The following SLC22A25 variants were observed in gnomAD, a reference collection of about 807,000 sequenced individuals.
The protein encoded by SLC22A25 is solute carrier family 22 member 25, also known as MGI:2442751, MGI:2385316, MGI:3042283, MGI:3645714, MGI:3605624, MGI:2442750.
A neutral mutation model predicts 45.9 loss-of-function variants in SLC22A25; 44 were observed. The observed-to-expected ratio is 0.96, with a 90% CI of 0.75 to 1.23. The LOEUF (loss-of-function observed/expected upper bound fraction) is 1.23, where lower values mean the gene tolerates loss of function less well. Among genes scored for constraint, SLC22A25 ranks in the 50% most tolerant of loss-of-function variants. The pLI, the probability that SLC22A25 is intolerant of heterozygous loss-of-function variation, is 0.00. For synonymous variants in SLC22A25, 283 were observed against 238.6 expected, an observed-to-expected ratio of 1.19 and a Z score of -1.72; for missense variants, 800 against 666.4, an observed-to-expected ratio of 1.20 and a Z score of -2.21.
In SLC22A25 at chr11:63,164,992, G is replaced by A. The variant is rs115268741; in HGVS notation, c.1286-358C>T. Among the ~76,000 whole-genome samples, 1,093 of 152,110 alleles carry A rather than the reference G, an allele frequency of 7.2e-3. 9 individuals carry two copies. Among genetic ancestry groups the A allele is most frequent in the African/African-American group, 0.024 (1,003 of 41,474 alleles). Reference sequence around the variant, plus strand: ...CTTGCAGAAAACAGGAGTGTCATGTGGGCAATACTAGGGAGTGTAAGACTC... The same window carrying A: ...CTTGCAGAAAACAGGAGTGTCATGTAGGCAATACTAGGGAGTGTAAGACTC... On this transcript the variant is annotated intron_variant, in intron 10 of 11. Transcript: ENST00000306494.
At chr11:63,207,406 C>T (rs1030502525) in intron 7 of SLC22A25, among the ~76,000 whole-genome samples, 1 of 152,036 alleles carries the variant, frequency 6.6e-6, no homozygotes. Flanking sequence ...CTACAAGGAA[C>T]TTAAATAAAT....
intron 5 of SLC22A25, among the ~76,000 whole-genome samples, chr11:63,225,539 C>T (rs2089944007): frequency 6.6e-6 from 1 of 152,120 alleles, no homozygotes; most frequent in Non-Finnish European, 1.5e-5. Flanking sequence ...TGTTTCTTTT[C>T]TCTTGCGTGT....
At chr11:63,190,219 T>C (rs2088750392) in intron 7 of SLC22A25, among the ~76,000 whole-genome samples, 2 of 152,248 alleles carry the variant, frequency 1.3e-5, no homozygotes, top group Admixed American at 1.3e-4. Context: ...GATAGTCCCA[T>C]ATTTCCTGGA....
At chr11:63,187,357 G>A (rs2088599428) in intron 7 of SLC22A25, among the ~76,000 whole-genome samples, 1 of 152,076 alleles carries the variant, frequency 6.6e-6, no homozygotes. Context: ...GTCTGTTATT[G>A]GTGTATAAGA....
At chr11:63,205,110 C>T (rs931153223) in intron 7 of SLC22A25, among the ~76,000 whole-genome samples, 5 of 152,024 alleles carry the variant, frequency 3.3e-5, no homozygotes, top group East Asian at 1.9e-4. Context: ...TTTCTGAACC[C>T]GATGGGAACA....
At chr11:63,233,924 G>T (rs1231708785) in intron 3 of SLC22A25, among the ~76,000 whole-genome samples, 2 of 152,182 alleles carry the variant, frequency 1.3e-5, no homozygotes, top group African/African-American at 2.4e-5. Context: ...AGGTTTTTCA[G>T]TTTCCATGTA....
intron 8 of SLC22A25, among the ~76,000 whole-genome samples, chr11:63,182,638 A>G (rs1279785344): frequency 1.3e-5 from 2 of 151,996 alleles, no homozygotes; most frequent in Non-Finnish European, 2.9e-5. Flanking sequence ...TGTCTCTGCA[A>G]TGGGTTCATC....
At chr11:63,233,563 T>A (rs1162716492) in intron 3 of SLC22A25, among the ~76,000 whole-genome samples, 3 of 152,224 alleles carry the variant, frequency 2.0e-5, no homozygotes, top group Non-Finnish European at 4.4e-5. Flanking sequence ...TCTATCAATT[T>A]TGTTGATCTT....
At chr11:63,225,510 G>A (rs2089943438) in intron 5 of SLC22A25, among the ~76,000 whole-genome samples, 1 of 152,128 alleles carries the variant, frequency 6.6e-6, no homozygotes, top group Admixed American at 6.5e-5. Context: ...GACATATTGG[G>A]TCTCCATTGG....
At chr11:63,169,643 C>A (rs779064976) in intron 9 of SLC22A25, among the ~76,000 whole-genome samples, 1 of 152,164 alleles carries the variant, frequency 6.6e-6, no homozygotes, top group Non-Finnish European at 1.5e-5. Context: ...ACACACAACA[C>A]AGGAGCACCC....
At chr11:63,165,928 G>A (rs2087663676) in intron 10 of SLC22A25, 116 bp downstream of exon 10, 1 of 1,288,246 alleles carries the variant, frequency 7.8e-7, no homozygotes. Context: ...TTCTATCAGG[G>A]AATCCTGAGA....
chr11:63,228,786 C>G (rs1031046890), intron 4 of SLC22A25, among the ~76,000 whole-genome samples: 2 of 152,174 alleles, frequency 1.3e-5, no homozygotes, highest in African/African-American at 4.8e-5. Flanking sequence ...TTATTCCATA[C>G]TAAATGGTTC....
chr11:63,169,396 A>G (rs1234634996), intron 9 of SLC22A25, among the ~76,000 whole-genome samples: 1 of 151,944 alleles, frequency 6.6e-6, no homozygotes, highest in Non-Finnish European at 1.5e-5. Context: ...GTCAAGACCC[A>G]CTGGTGTGCT....
At chr11:63,193,925 C>T (rs575494730) in intron 7 of SLC22A25, among the ~76,000 whole-genome samples, 1 of 152,028 alleles carries the variant, frequency 6.6e-6, no homozygotes, top group Non-Finnish European at 1.5e-5. Flanking sequence ...AAAAAAGATT[C>T]GACAAATGGC....
intron 5 of SLC22A25, among the ~76,000 whole-genome samples, chr11:63,223,431 C>T (rs1434989757): frequency 6.6e-6 from 1 of 152,018 alleles, no homozygotes; most frequent in Admixed American, 6.6e-5. Flanking sequence ...ATAGTAGCCT[C>T]TAATGACCCT....
intron 3 of SLC22A25, among the ~76,000 whole-genome samples, chr11:63,234,467 T>G (rs1215125044): frequency 6.6e-6 from 1 of 152,184 alleles, no homozygotes; most frequent in African/African-American, 2.4e-5. Context: ...AACCCCTGCC[T>G]TTTTTTGTTT....
At chr11:63,230,514 A>C (rs1311443652) in intron 3 of SLC22A25, among the ~76,000 whole-genome samples, 2 of 152,226 alleles carry the variant, frequency 1.3e-5, no homozygotes, top group Non-Finnish European at 2.9e-5. Flanking sequence ...TGTGAGACGC[A>C]CAATGTGCTA....
Position 63,229,322 on chromosome 11 carries a change from G to A in SLC22A25, c.331C>T (p.Pro111Ser), listed in dbSNP as rs1386149899. ...LNGTFPNTSE[P>S]DTEPCVDGWV... is the part of the protein sequence containing the mutation. ...CCATCCACACAGGGCTCTGTATCTG[G>A]CTCACTCGTGTTGGGGAAGGTCCCA... is the stretch of plus-strand genomic sequence containing the variant. The change falls in exon 4 of 12, where the codon CCA becomes TCA. Residue 111 changes from proline (P) to serine (S), a missense_variant. Physicochemically the swap from Pro to Ser is moderately conservative, Grantham distance 74. Transcript: ENST00000306494. 1 of 1,610,852 alleles carries A rather than the reference G, an allele frequency of 6.2e-7. No individual in the cohort carries two copies. The highest frequency in any genetic ancestry group is 1.3e-5 in the African/African-American group (1 of 75,018).
chr11:63,161,578 G>T lies in SLC22A25; in HGVS notation c.*2246C>A, dbSNP rs1040648986. Reference sequence around the variant, plus strand: ...CTATGATAGTGAATAAATCTCACATGATCTGATGGTTTTATAAAAGGGAGT... The same window carrying T: ...CTATGATAGTGAATAAATCTCACATTATCTGATGGTTTTATAAAAGGGAGT... On this transcript the variant is annotated 3_prime_UTR_variant, in exon 12 of 12. Coordinates refer to ENST00000306494, the MANE Select transcript of SLC22A25 (RefSeq NM_199352.6). 3.3e-5 allele frequency among the ~76,000 whole-genome samples: 5 copies of T among 152,152 alleles called. No individual in the cohort carries two copies. Among genetic ancestry groups the T allele is most frequent in the African/African-American group, 1.2e-4 (5 of 41,448 alleles).
Sources: allele counts gnomAD v4.1 joint callset (sites outside exome capture counted in the v4.1 genomes callset), GRCh38; gene constraint gnomAD v4.1.1; transcripts MANE v1.5; gene names NCBI Gene and HGNC (gene_info 2026-07-23, HGNC 2026-07-21).